PLCB1: variants seen among roughly 807,000 people sequenced by gnomAD.
PLCB1 encodes phospholipase C beta 1, also known as 1-phosphatidylinositol 4,5-bisphosphate phosphodiesterase beta-1.
A neutral mutation model predicts 161.8 loss-of-function variants in PLCB1; 46 were observed. That is an observed-to-expected ratio of 0.28 (90% confidence interval 0.22 to 0.36). The LOEUF is 0.36. Among genes scored for constraint, PLCB1 ranks in the 10% least tolerant of loss-of-function variants. The pLI is 1.00. For synonymous variants in PLCB1, 517 were observed against 503.7 expected (o/e 1.03, Z -0.35); for missense variants, 1,016 against 1,472.5 (o/e 0.69, Z 5.07).
intron 2 of PLCB1, among the ~76,000 whole-genome samples, chr20:8,337,033 A>C (rs1055245957): frequency 6.6e-6 from 1 of 152,206 alleles, no homozygotes; most frequent in African/African-American, 2.4e-5. Context: ...TTCCCATAGT[A>C]ATATGAAGAT....
chr20:8,787,587 C>T (rs1166500093), intron 27 of PLCB1, among the ~76,000 whole-genome samples: 1 of 152,222 alleles, frequency 6.6e-6, no homozygotes, highest in Non-Finnish European at 1.5e-5. Flanking sequence ...CCAGTTGCTA[C>T]AGCCACCTGA....
rs1323673112 is a variant in PLCB1, at chr20:8,684,983, G to C, written c.914G>C (p.Gly305Ala). ...CGCTATCTGAGTGGAGAAGAAAACG[G>C]AGTCGTTTCACCTGAGAAACTGGAT... ...FMRYLSGEEN[G>A]VVSPEKLDLN... Residue 305 changes from glycine (G) to alanine (A), a missense_variant, in exon 10 of 32, where the codon GGA becomes GCA. Around this residue, in one of 10 missense-constraint regions of PLCB1, gnomAD observed 117 missense variants for 142.2 expected, o/e 0.82. Coordinates refer to ENST00000338037, the MANE Select transcript of PLCB1 (RefSeq NM_015192.4). 1 of 1,613,506 alleles carries C rather than the reference G, an allele frequency of 6.2e-7. No homozygotes were observed. Among genetic ancestry groups the C allele is most frequent in the Non-Finnish European group, 8.5e-7 (1 of 1,179,592 alleles).
At chr20:8,834,495 G>A (rs900828015) in intron 31 of PLCB1, among the ~76,000 whole-genome samples, 1 of 152,110 alleles carries the variant, frequency 6.6e-6, no homozygotes, top group Admixed American at 6.5e-5. Flanking sequence ...AATCTGCAGA[G>A]CAGATGTCCC....
chr20:8,760,368 A>T (rs1425060606), intron 24 of PLCB1, 39 bp from the exon 25 acceptor site: 2 of 1,310,390 alleles, frequency 1.5e-6, no homozygotes, highest in African/African-American at 2.9e-5. Flanking sequence ...AAAATTTAAA[A>T]AGTTGAAGAG....
intron 3 of PLCB1, among the ~76,000 whole-genome samples, chr20:8,495,343 C>T (rs1341744215): frequency 6.8e-6 from 1 of 147,614 alleles, no homozygotes; most frequent in African/African-American, 2.5e-5. Flanking sequence ...AGACTCTGTA[C>T]TTTGAGTTCA....
At chr20:8,555,257 G>C (rs1279704075) in intron 3 of PLCB1, among the ~76,000 whole-genome samples, 1 of 152,016 alleles carries the variant, frequency 6.6e-6, no homozygotes, top group East Asian at 1.9e-4. Flanking sequence ...ATCCTTAATA[G>C]GGTTGAATGG....
chr20:8,444,070 A>C (rs966106012), intron 3 of PLCB1, among the ~76,000 whole-genome samples: 2 of 151,886 alleles, frequency 1.3e-5, no homozygotes, highest in African/African-American at 2.4e-5. Context: ...TTTAAGTTCT[A>C]GGGTACATGT....
chr20:8,523,496 C>CTCTCTCTATATATA, intron 3 of PLCB1, among the ~76,000 whole-genome samples: 2 of 51,654 alleles, frequency 3.9e-5, no homozygotes, highest in East Asian at 7.9e-4. Flanking sequence ...CTCTCTCTCT[C>CTCTCTCTATATATA]TATATATATA....
At chr20:8,862,367 G>A (rs1326771755) in intron 31 of PLCB1, among the ~76,000 whole-genome samples, 1 of 152,112 alleles carries the variant, frequency 6.6e-6, no homozygotes, top group East Asian at 1.9e-4. Flanking sequence ...TCACTATGCT[G>A]GGCACATTTT....
At chr20:8,448,095 C>T (rs1980917487) in intron 3 of PLCB1, among the ~76,000 whole-genome samples, 1 of 152,196 alleles carries the variant, frequency 6.6e-6, no homozygotes, top group Non-Finnish European at 1.5e-5. Context: ...TTCTGTGTCA[C>T]CAGCCTTGCA....
intron 3 of PLCB1, among the ~76,000 whole-genome samples, chr20:8,388,543 A>C (rs985811463): frequency 1.3e-5 from 2 of 152,210 alleles, no homozygotes; most frequent in Non-Finnish European, 2.9e-5. Flanking sequence ...AACAAAGTAA[A>C]GGTTTCTCCT....
At chr20:8,165,657 G>A (rs1424807044) in intron 2 of PLCB1, among the ~76,000 whole-genome samples, 1 of 152,116 alleles carries the variant, frequency 6.6e-6, no homozygotes, top group Non-Finnish European at 1.5e-5. Context: ...CTGCTCAATC[G>A]ATGTGTGTCA....
chr20:8,154,699 T>C (rs899781766), intron 2 of PLCB1, among the ~76,000 whole-genome samples: 1 of 152,214 alleles, frequency 6.6e-6, no homozygotes, highest in Non-Finnish European at 1.5e-5. Context: ...AAACTGTGTA[T>C]ATTATCATAC....
chr20:8,162,037 G>A (rs2051630353), intron 2 of PLCB1, among the ~76,000 whole-genome samples: 2 of 152,064 alleles, frequency 1.3e-5, no homozygotes, highest in Admixed American at 1.3e-4. Flanking sequence ...TGCTTAGTAA[G>A]GCAATAAATT....
intron 9 of PLCB1, among the ~76,000 whole-genome samples, chr20:8,684,127 G>A (rs1255374100): frequency 6.6e-6 from 1 of 151,924 alleles, no homozygotes; most frequent in Non-Finnish European, 1.5e-5. Flanking sequence ...CTTGTGATCT[G>A]CCCACCTTGG....
intron 31 of PLCB1, chr20:8,880,860 CTTT>C (rs55682849): frequency 4.0e-5 from 4 of 99,476 alleles, no homozygotes; most frequent in Admixed American, 1.3e-4. Flanking sequence ...TTCTTTCTTT[CTTT>C]TTTTTTTTTT....
At position 8,240,481 on chromosome 20, in the gene PLCB1, C is replaced by A. The variant is rs894071012; in HGVS notation, c.177+90110C>A. 3.9e-5 allele frequency among the ~76,000 whole-genome samples: 6 copies of A among 151,944 alleles called. 1 individual carries two copies. Among genetic ancestry groups the A allele is most frequent in the Non-Finnish European group, 1.5e-5 (1 of 67,934 alleles). On this transcript the variant is annotated intron_variant, in intron 2 of 31. Transcript: ENST00000338037. ...TGCACAATATTTCATCACATGGATG[C>A]GCCATCATTTTTTTCACTTTCTCCT...
intron 2 of PLCB1, among the ~76,000 whole-genome samples, chr20:8,292,678 T>C (rs1030391322): frequency 2.0e-5 from 3 of 152,170 alleles, no homozygotes; most frequent in Non-Finnish European, 1.5e-5. Flanking sequence ...CTGTACCATA[T>C]TGTCCTGCAT....
At chr20:8,172,907 A>G (rs951002571) in intron 2 of PLCB1, among the ~76,000 whole-genome samples, 2 of 152,218 alleles carry the variant, frequency 1.3e-5, no homozygotes, top group Non-Finnish European at 2.9e-5. Context: ...CCAGCATTTT[A>G]CAACCTGTGA....
Sources: gnomAD v4.1 joint callset for allele counts (sites outside exome capture counted in the v4.1 genomes callset) on GRCh38, gnomAD v4.1.1 for gene constraint, gnomAD v4.1.1 regional missense constraint, MANE v1.5 for transcripts, NCBI Gene and HGNC (gene_info 2026-07-23, HGNC 2026-07-21) for gene names.